The following POU6F2 variants were observed in gnomAD, a reference collection of about 807,000 sequenced individuals.
POU6F2 encodes POU class 6 homeobox 2.
Under a neutral mutation model 71.3 loss-of-function variants are expected in POU6F2, and 31 were observed. The ratio of observed to expected loss-of-function variants is 0.43; its 90% CI spans 0.33 to 0.59. The LOEUF is 0.59. POU6F2 is among the 20% of genes least tolerant of loss of function. The pLI is 0.04. For synonymous variants in POU6F2, 347 were observed against 355.7 expected, an observed-to-expected ratio of 0.98 and a Z score of 0.27; for missense variants, 783 against 856.8, an observed-to-expected ratio of 0.91 and a Z score of 1.07.
chr7:39,443,094 C>A (rs966546093), intron 7 of POU6F2, among the ~76,000 whole-genome samples: 1 of 152,202 alleles, frequency 6.6e-6, no homozygotes, highest in African/African-American at 2.4e-5. Flanking sequence ...AGCCTTCTCA[C>A]GCAGCATCTG....
chr7:39,079,204 T>TTC (rs1554316300), intron 1 of POU6F2, among the ~76,000 whole-genome samples: 2 of 138,494 alleles, frequency 1.4e-5, no homozygotes, highest in Non-Finnish European at 3.1e-5. Context: ...TTTTTTTTTT[T>TTC]CCGAGACGGA....
chr7:39,188,097 T>C (rs1246610348), intron 2 of POU6F2, among the ~76,000 whole-genome samples: 5 of 152,238 alleles, frequency 3.3e-5, no homozygotes, highest in Non-Finnish European at 5.9e-5. Flanking sequence ...TTGTTGAGTA[T>C]TTATTATGTT....
chr7:39,237,839 G>A (rs151212919), intron 4 of POU6F2, among the ~76,000 whole-genome samples: 39 of 152,158 alleles, frequency 2.6e-4, no homozygotes, highest in African/African-American at 9.4e-4. Flanking sequence ...TCTGAAATGC[G>A]GGATTGGGAT....
rs145669681 is a variant in POU6F2, at chr7:38,994,688, T to C, written c.105+16630T>C. Among the ~76,000 whole-genome samples the C allele has an allele frequency of 6.8e-3, 1,036 of 151,992 alleles. 10 individuals carry two copies. The highest frequency in any genetic ancestry group is 0.024 in the African/African-American group (985 of 41,340). ...CTGGCTCTGTTTTGTTTTCCCCACT[T>C]CCCAGTTTTCTTTACCACTACTCTT... On this transcript the variant is annotated intron_variant, in intron 1 of 9. Transcript: ENST00000518318.
At chr7:39,025,517 A>G (rs1789779940) in intron 1 of POU6F2, among the ~76,000 whole-genome samples, 1 of 152,140 alleles carries the variant, frequency 6.6e-6, no homozygotes, top group South Asian at 2.1e-4. Context: ...CCTATTTAAT[A>G]AATGGTGCTG....
intron 6 of POU6F2, among the ~76,000 whole-genome samples, chr7:39,428,769 C>T (rs185816407): frequency 6.6e-6 from 1 of 152,126 alleles, no homozygotes; most frequent in Non-Finnish European, 1.5e-5. Context: ...TCAGCACTTC[C>T]CTACACTCCC....
At chr7:39,174,739 C>G (rs1793293909) in intron 2 of POU6F2, among the ~76,000 whole-genome samples, 1 of 152,104 alleles carries the variant, frequency 6.6e-6, no homozygotes, top group Non-Finnish European at 1.5e-5. Flanking sequence ...TCTGTTCTTA[C>G]AACCACTCAA....
At chr7:39,256,846 T>TATAGAG (rs1784034129) in intron 4 of POU6F2, among the ~76,000 whole-genome samples, 1 of 152,100 alleles carries the variant, frequency 6.6e-6, no homozygotes, top group Non-Finnish European at 1.5e-5. Flanking sequence ...CAGATTCTCC[T>TATAGAG]ATAGAGCCTC....
intron 4 of POU6F2, among the ~76,000 whole-genome samples, chr7:39,293,326 G>A (rs896406833): frequency 1.3e-5 from 2 of 152,166 alleles, no homozygotes; most frequent in Non-Finnish European, 2.9e-5. Context: ...AAAATAGGGC[G>A]AGCTCGTTAA....
intron 4 of POU6F2, among the ~76,000 whole-genome samples, chr7:39,319,356 T>C (rs979658722): frequency 6.6e-6 from 1 of 152,186 alleles, no homozygotes; most frequent in Non-Finnish European, 1.5e-5. Context: ...CTAACTACTG[T>C]TGGCTGGCTT....
chr7:39,323,457 T>C (rs1259172108), intron 4 of POU6F2, among the ~76,000 whole-genome samples: 7 of 152,190 alleles, frequency 4.6e-5, no homozygotes. Context: ...CCTGTTTCTA[T>C]GTGTGGAAGT....
intron 4 of POU6F2, among the ~76,000 whole-genome samples, chr7:39,319,343 G>T (rs531541227): frequency 2.0e-5 from 3 of 152,250 alleles, no homozygotes; most frequent in Non-Finnish European, 4.4e-5. Flanking sequence ...CTACTGATGG[G>T]CACTAACTAC....
At chr7:39,025,824 G>A (rs1789787871) in intron 1 of POU6F2, among the ~76,000 whole-genome samples, 1 of 151,438 alleles carries the variant, frequency 6.6e-6, no homozygotes, top group Non-Finnish European at 1.5e-5. Context: ...CCTACAAAAT[G>A]GGAGAAAATT....
intron 7 of POU6F2, among the ~76,000 whole-genome samples, chr7:39,446,063 T>C (rs1788516231): frequency 6.6e-6 from 1 of 152,232 alleles, no homozygotes; most frequent in African/African-American, 2.4e-5. Flanking sequence ...TGCAACTAAA[T>C]CTTGAGAACC....
chr7:39,063,904 T>TATAGCAAAAG (rs1790705959), intron 1 of POU6F2, among the ~76,000 whole-genome samples: 1 of 151,980 alleles, frequency 6.6e-6, no homozygotes, highest in Non-Finnish European at 1.5e-5. Context: ...TATAACAAAT[T>TATAGCAAAAG]TAGTTAGTGA....
chr7:38,988,819 T>C (rs1474493403), intron 1 of POU6F2, among the ~76,000 whole-genome samples: 2 of 152,158 alleles, frequency 1.3e-5, no homozygotes, highest in African/African-American at 2.4e-5. Context: ...GTATAAATCC[T>C]TAATCATATG....
intron 2 of POU6F2, among the ~76,000 whole-genome samples, chr7:39,198,306 A>G (rs776386370): frequency 6.6e-6 from 1 of 152,240 alleles, no homozygotes; most frequent in Non-Finnish European, 1.5e-5. Flanking sequence ...GGCAGAAAGT[A>G]CAAAAACATC....
chr7:39,419,019 ATATATG>A, intron 6 of POU6F2, among the ~76,000 whole-genome samples: 1 of 136,826 alleles, frequency 7.3e-6, no homozygotes, highest in Admixed American at 7.5e-5. Flanking sequence ...ATATATGTAT[ATATATG>A]TGTGTATATA....
At chr7:39,043,899 G>A (rs377644400) in intron 1 of POU6F2, among the ~76,000 whole-genome samples, 1 of 151,932 alleles carries the variant, frequency 6.6e-6, no homozygotes, top group South Asian at 2.1e-4. Flanking sequence ...ATCCCATAAT[G>A]CTCTCTGTTG....
Sources: allele counts gnomAD v4.1 joint callset (sites outside exome capture counted in the v4.1 genomes callset), GRCh38; gene constraint gnomAD v4.1.1; transcripts MANE v1.5; gene names NCBI Gene and HGNC (gene_info 2026-07-23, HGNC 2026-07-21).